Variants in GPR26 observed in about 807,000 individuals in gnomAD.
The protein encoded by GPR26 is G protein-coupled receptor 26.
A neutral mutation model predicts 23.1 loss-of-function variants in GPR26; 15 were observed. That is an observed-to-expected ratio of 0.65 (90% CI 0.43 to 1.00). The LOEUF is 1.00. Ranked by LOEUF, GPR26 falls within the 50% of genes least tolerant of loss-of-function variation. The pLI, the probability that GPR26 is intolerant of heterozygous loss-of-function variation, is 0.00. For missense variants in GPR26, 359 were observed against 470.5 expected (o/e 0.76, Z 2.19); for synonymous variants, 228 against 222.1 (o/e 1.03, Z -0.24).
At chr10:123,671,321 CAT>C (rs1218937563) in intron 1 of GPR26, among the ~76,000 whole-genome samples, 2 of 152,240 alleles carry the variant, frequency 1.3e-5, no homozygotes, top group Non-Finnish European at 2.9e-5. Context: ...TTCCACCCCA[CAT>C]GTCATAATGC....
chr10:123,672,437 G>T (rs187507310), intron 1 of GPR26, among the ~76,000 whole-genome samples: 27 of 152,258 alleles, frequency 1.8e-4, no homozygotes, highest in African/African-American at 6.3e-4. Context: ...TCCATGGCAG[G>T]CCCGGTGCCA....
chr10:123,681,409 A>C (rs1845376268), intron 2 of GPR26, among the ~76,000 whole-genome samples: 1 of 152,220 alleles, frequency 6.6e-6, no homozygotes, highest in African/African-American at 2.4e-5. Context: ...CAAGTTGTTC[A>C]TGTGTCACTT....
At position 123,690,373 on chromosome 10, in the gene GPR26, CA is replaced by C. The variant is rs1051526184; in HGVS notation, c.*2214del. The stretch of plus-strand genomic sequence containing the variant: ...ACAGCCAAATTCCAGCAGCAAAATA[CA>C]TTTTCATCAATATCACTTTGGGAGA... On this transcript the variant is annotated 3_prime_UTR_variant, in exon 3 of 3. Transcript: ENST00000284674. The C allele has an allele frequency of 2.0e-4, 31 of 152,242 alleles. No homozygotes were observed. The highest frequency in any genetic ancestry group is 7.5e-4 in the African/African-American group (31 of 41,458). 9.4% of individuals were successfully genotyped at this position (152,242 alleles called of 1,614,324 possible). A position where few individuals can be genotyped will look rare whatever the true frequency, so the allele number is the denominator to read the frequency against.
intron 2 of GPR26, among the ~76,000 whole-genome samples, chr10:123,684,676 AC>A (rs1845412531): frequency 6.6e-6 from 1 of 152,218 alleles, no homozygotes; most frequent in Admixed American, 6.5e-5. Flanking sequence ...CTTCGTGTTC[AC>A]ACGGCACTCA....
At chr10:123,680,835 G>T (rs1320381644) in intron 2 of GPR26, among the ~76,000 whole-genome samples, 4 of 134,636 alleles carry the variant, frequency 3.0e-5, no homozygotes, top group Non-Finnish European at 4.8e-5. Context: ...TTTGGGGGGG[G>T]GGGTTGTTTT....
chr10:123,680,657 G>T (rs1845360280), intron 2 of GPR26, among the ~76,000 whole-genome samples: 2 of 152,142 alleles, frequency 1.3e-5, no homozygotes, highest in South Asian at 4.1e-4. Flanking sequence ...GGGGAATTCA[G>T]AAAGGAAAAG....
At position 123,690,902 on chromosome 10, in the gene GPR26, A is replaced by G. The variant is rs1038915804; in HGVS notation, c.*2742A>G. On this transcript the variant is annotated 3_prime_UTR_variant, in exon 3 of 3. Coordinates refer to ENST00000284674, the MANE Select transcript of GPR26 (RefSeq NM_153442.4). ...CCAAGATTTTCAGCATCTGAATCAA[A>G]CTAAAATTACTTGCTTGACTTCACT... 1 of 152,220 alleles carries G rather than the reference A, an allele frequency of 6.6e-6. No homozygotes were observed. Among genetic ancestry groups the G allele is most frequent in the Admixed American group, 6.5e-5 (1 of 15,284 alleles). The allele number at this position is 152,220 out of a possible 1,614,324, so 9.4% of individuals were successfully genotyped here. A position where few individuals can be genotyped will look rare whatever the true frequency, so the allele number is the denominator to read the frequency against.
chr10:123,677,582 C>T (rs569485699), intron 2 of GPR26, among the ~76,000 whole-genome samples: 5 of 152,286 alleles, frequency 3.3e-5, no homozygotes, highest in South Asian at 2.1e-4. Context: ...ATCCCTCCAG[C>T]GGAGGCATGG....
chr10:123,683,575 G>A (rs989292648), intron 2 of GPR26, among the ~76,000 whole-genome samples: 5 of 152,180 alleles, frequency 3.3e-5, no homozygotes, highest in Non-Finnish European at 5.9e-5. Context: ...CCTGCCTCCC[G>A]GGACCAGGAC....
chr10:123,677,165 CCAA>C (rs1235037238), intron 2 of GPR26, among the ~76,000 whole-genome samples: 1 of 145,220 alleles, frequency 6.9e-6, no homozygotes, highest in African/African-American at 2.5e-5. Flanking sequence ...ATTTCATTTC[CCAA>C]CAACATTTTC....
At position 123,666,888 on chromosome 10, in the gene GPR26, C is replaced by T. The variant is rs1468782864; in HGVS notation, c.481C>T (p.Arg161Trp). The change falls in exon 1 of 3, where the codon CGG becomes TGG. Residue 161 changes from arginine (R) to tryptophan (W), a missense_variant. By Grantham distance (101) the Arg-to-Trp change is moderately radical. Transcript: ENST00000284674. ...GTACGCCTCGTGCACGCTGTGCAGC[C>T]GGCGGCCAGACGAGCGCCTGCGCTT... ...QLYASCTLCS[R>W]RPDERLRFAV... is the part of the protein sequence containing the mutation. 3.1e-6 allele frequency: 5 copies of T among 1,611,908 alleles called. No individual in the cohort carries two copies. Among genetic ancestry groups the T allele is most frequent in the Non-Finnish European group, 4.2e-6 (5 of 1,179,500 alleles).
chr10:123,674,911 C>T lies in GPR26; in HGVS notation c.762C>T (p.Phe254=), dbSNP rs144378636. The change falls in exon 2 of 3, where the codon TTC becomes TTT. Residue 254 remains phenylalanine, a synonymous_variant. Transcript: ENST00000284674. This position sits in a 1 kb window ranked among gnomAD's most constrained non-coding sequence, Gnocchi z 4.1. ...TCATAGGGACCTTCCTTGTGTGCTT[C>T]GCGCCCTATGTGATCACCAGGTGAG... ...STFIGTFLVC[F]APYVITRLVE... is the part of the protein sequence containing the mutation. 61 of 1,610,588 alleles carry T rather than the reference C, an allele frequency of 3.8e-5. No homozygotes were observed. The highest frequency in any genetic ancestry group is 1.7e-4 in the Middle Eastern group (1 of 5,824).
intron 1 of GPR26, among the ~76,000 whole-genome samples, chr10:123,672,511 C>A (rs990100520): frequency 6.6e-6 from 1 of 152,108 alleles, no homozygotes; most frequent in Non-Finnish European, 1.5e-5. Flanking sequence ...AGAGCCAGCA[C>A]AAGCATCAGA....
rs569647681 is a variant in GPR26, at chr10:123,690,031, C to A, written c.*1871C>A. 1.4e-4 allele frequency: 21 copies of A among 152,266 alleles called. No homozygotes were observed. Among genetic ancestry groups the A allele is most frequent in the African/African-American group, 4.6e-4 (19 of 41,542 alleles). 9.4% of individuals were successfully genotyped at this position (152,266 alleles called of 1,614,324 possible). On this transcript the variant is annotated 3_prime_UTR_variant, in exon 3 of 3. Coordinates refer to ENST00000284674, the MANE Select transcript of GPR26 (RefSeq NM_153442.4). The stretch of plus-strand genomic sequence containing the variant: ...AATCAGCAAGTGCTGTAAATCAGGC[C>A]TTTTGCCCCACAGAGAGCTGATTGT...
chr10:123,673,119 A>G (rs1845268700), intron 1 of GPR26, among the ~76,000 whole-genome samples: 2 of 152,198 alleles, frequency 1.3e-5, no homozygotes, highest in South Asian at 4.1e-4. Flanking sequence ...TTCAGCCAGG[A>G]CGAAATCTGT....
At chr10:123,672,236 G>A (rs781556317) in intron 1 of GPR26, among the ~76,000 whole-genome samples, 7 of 152,164 alleles carry the variant, frequency 4.6e-5, no homozygotes, top group Non-Finnish European at 1.0e-4. Flanking sequence ...CTCCCTGAGT[G>A]GAAAAATCAC....
intron 2 of GPR26, among the ~76,000 whole-genome samples, chr10:123,686,979 G>A (rs996551467): frequency 2.0e-5 from 3 of 152,120 alleles, no homozygotes; most frequent in Non-Finnish European, 2.9e-5. Context: ...ATATGGCCAA[G>A]GGTGCTGGAC....
intron 1 of GPR26, among the ~76,000 whole-genome samples, chr10:123,669,459 G>A (rs1845226505): frequency 6.6e-6 from 1 of 152,244 alleles, no homozygotes; most frequent in Non-Finnish European, 1.5e-5. Context: ...GGCACCACCA[G>A]TCTCAGGCAG....
rs1845283596 is a variant in GPR26, at chr10:123,674,379, A to T, written c.669-439A>T. ...TGAGATACTACTTAGAGAGTGGGGC[A>T]CTCTGGAGCCAGCCCATAGCAGATG... On this transcript the variant is annotated intron_variant, in intron 1 of 2. Coordinates refer to ENST00000284674, the MANE Select transcript of GPR26 (RefSeq NM_153442.4). The surrounding 1 kb of genome is among the most constrained non-coding windows in gnomAD (Gnocchi z 4.1). 6.6e-6 allele frequency among the ~76,000 whole-genome samples: 1 copy of T among 152,184 alleles called. No homozygotes were observed. Among genetic ancestry groups the T allele is most frequent in the African/African-American group, 2.4e-5 (1 of 41,430 alleles).
Sources: allele counts gnomAD v4.1 joint callset (sites outside exome capture counted in the v4.1 genomes callset), GRCh38; gene constraint gnomAD v4.1.1; non-coding constraint Gnocchi (gnomAD v3.1); transcripts MANE v1.5; gene names NCBI Gene and HGNC (gene_info 2026-07-23, HGNC 2026-07-21).